The following CACNA1H variants were observed in gnomAD, a reference collection of about 807,000 sequenced individuals.
CACNA1H encodes voltage-dependent T-type calcium channel subunit alpha-1H.
Under a neutral mutation model 192.5 loss-of-function variants are expected in CACNA1H, and 149 were observed. The observed-to-expected ratio is 0.77, with a 90% CI of 0.68 to 0.89. The LOEUF (loss-of-function observed/expected upper bound fraction) is 0.89. Ranked by LOEUF, CACNA1H falls within the 40% of genes least tolerant of loss-of-function variation. The probability of loss-of-function intolerance (pLI) is 0.00; values close to 1 mark genes in which losing one functional copy is unlikely to be tolerated. For synonymous variants in CACNA1H, 2,202 were observed against 1,475.2 expected (o/e 1.49, Z -11.29); for missense variants, 4,257 against 3,423.5 (o/e 1.24, Z -6.08).
chr16:1,164,345 C>G (rs1343339767), intron 2 of CACNA1H, among the ~76,000 whole-genome samples: 1 of 152,072 alleles, frequency 6.6e-6, no homozygotes, highest in Admixed American at 6.5e-5. Flanking sequence ...TTTTTCTTTT[C>G]TTTTTTGAGA....
rs184435223 is a variant in CACNA1H at position 1,193,330 on chromosome 16, A to G, written c.300-1642A>G. Among the ~76,000 whole-genome samples the G allele has an allele frequency of 6.7e-4, 102 of 152,348 alleles. 1 individual carries two copies. The highest frequency in any genetic ancestry group is 2.3e-3 in the African/African-American group (95 of 41,590). ...CCGCCATCCACCATCGCTCCCTTGC[A>G]CTAGTGCCGGGTCAGGAGGCTGGGA... On this transcript the variant is annotated intron_variant, in intron 2 of 34. Coordinates refer to ENST00000348261, the MANE Select transcript of CACNA1H (RefSeq NM_021098.3).
chr16:1,189,628 C>T (rs1966412726), intron 2 of CACNA1H, among the ~76,000 whole-genome samples: 3 of 151,832 alleles, frequency 2.0e-5, no homozygotes, highest in African/African-American at 7.3e-5. Context: ...CACTGTGTTG[C>T]CCAGGCTGGT....
chr16:1,169,739 T>G (rs1028859845), intron 2 of CACNA1H, among the ~76,000 whole-genome samples: 2 of 152,236 alleles, frequency 1.3e-5, no homozygotes, highest in African/African-American at 2.4e-5. Context: ...GCCAGCCGGC[T>G]GGTGCTTGTT....
intron 2 of CACNA1H, among the ~76,000 whole-genome samples, chr16:1,156,641 T>G (rs1023869331): frequency 6.6e-6 from 1 of 152,096 alleles, no homozygotes; most frequent in African/African-American, 2.4e-5. Flanking sequence ...GCATCCCTCC[T>G]GAAGAGGGTG....
chr16:1,173,205 G>A (rs1360826307), intron 2 of CACNA1H, among the ~76,000 whole-genome samples: 2 of 152,188 alleles, frequency 1.3e-5, no homozygotes, highest in Non-Finnish European at 2.9e-5. Context: ...CTGGAAGGGG[G>A]CAGTAGATGG....
intron 9 of CACNA1H, among the ~76,000 whole-genome samples, chr16:1,203,745 A>T (rs971676584): frequency 1.3e-5 from 2 of 151,952 alleles, no homozygotes; most frequent in African/African-American, 4.8e-5. Flanking sequence ...CTGTCTTCAC[A>T]TGGCTCTTTG....
intron 4 of CACNA1H, 125 bp from the exon 5 acceptor site, chr16:1,195,801 A>G (rs936116544): frequency 2.7e-5 from 25 of 911,838 alleles, no homozygotes; most frequent in Non-Finnish European, 3.6e-6. Context: ...CTTCCTGGCC[A>G]GTACAAGGTC....
Position 1,218,984 on chromosome 16 carries a change from G to C in CACNA1H, c.5902G>C (p.Val1968Leu), listed in dbSNP as rs921830082. The change falls in exon 34 of 35, where the codon GTG (valine) becomes CTG (leucine). Residue 1968 changes from valine (V) to leucine (L), a missense_variant. Physicochemically the swap from Val to Leu is conservative, Grantham distance 32. Transcript: ENST00000348261. Reference protein sequence around the residue: ...AGTPLGSVASVHSPPAESCAS... With the variant: ...AGTPLGSVASLHSPPAESCAS... ...CCCTGCCCCAGGCTCCGTTGCCTCT[G>C]TGCACTCTCCGCCCGCAGAGTCCTG... 6.5e-6 allele frequency: 10 copies of C among 1,550,162 alleles called. No homozygotes were observed. The Admixed American group carries it at 9.8e-5, about 15-fold the overall frequency.
chr16:1,210,346 T>TCCCCCCCCCCCCCCCCCCCCCC, intron 18 of CACNA1H, 24 bp from the exon 19 acceptor site: 1 of 243,722 alleles, frequency 4.1e-6, no homozygotes, highest in Non-Finnish European at 6.4e-6. Context: ...CCGCCCCACC[T>TCCCCCCCCCCCCCCCCCCCCCC]CTCACCCGCC....
At chr16:1,208,634 C>G (rs531407431) in intron 16 of CACNA1H, among the ~76,000 whole-genome samples, 1 of 152,180 alleles carries the variant, frequency 6.6e-6, no homozygotes, top group Non-Finnish European at 1.5e-5. Flanking sequence ...TTGAAACGAA[C>G]TCCAGGCAGT....
chr16:1,202,557 C>T lies in CACNA1H; in HGVS notation c.2002+105C>T, dbSNP rs1374857229. 5 of 1,033,372 alleles carry T rather than the reference C, an allele frequency of 4.8e-6. No homozygotes were observed. In the African/African-American group the frequency reaches 4.8e-5, roughly 10 times the overall value. The allele number at this position is 1,033,372 out of a possible 1,614,324, so 64.0% of individuals were successfully genotyped here. On this transcript the variant is annotated intron_variant, in intron 9 of 34. Coordinates refer to ENST00000348261, the MANE Select transcript of CACNA1H (RefSeq NM_021098.3). ...CACCCATTGTGGGCACTCTGATGAG[C>T]CCAGCTTTGACTTGTGAAACAGACC... is the stretch of plus-strand genomic sequence containing the variant.
At chr16:1,177,644 C>T (rs558360503) in intron 2 of CACNA1H, among the ~76,000 whole-genome samples, 5 of 151,902 alleles carry the variant, frequency 3.3e-5, no homozygotes, top group Admixed American at 1.3e-4. Flanking sequence ...ACGTGGTGGC[C>T]GGGGACAGAG....
At position 1,200,251 on chromosome 16, in the gene CACNA1H, C is replaced by T; in HGVS notation, c.804-5C>T. On this transcript the variant is annotated splice_region_variant and splice_polypyrimidine_tract_variant and intron_variant, in intron 6 of 34. Coordinates refer to ENST00000348261, the MANE Select transcript of CACNA1H (RefSeq NM_021098.3). ...CCTTTTGGCCCTGGCTGTGCCCATC[C>T]CCAGGAACAACAACCTGACCTTCCT... is the stretch of plus-strand genomic sequence containing the variant. 2 of 1,591,200 alleles carry T rather than the reference C, an allele frequency of 1.3e-6. No homozygotes were observed. The highest frequency in any genetic ancestry group is 1.7e-6 in the Non-Finnish European group (2 of 1,167,868).
Position 1,206,235 on chromosome 16 carries a change from T to C in CACNA1H, c.2735T>C (p.Met912Thr), listed in dbSNP as rs745747809. The C allele has an allele frequency of 6.9e-6, 11 of 1,591,198 alleles. No homozygotes were observed. The highest frequency in any genetic ancestry group is 2.3e-5 in the East Asian group (1 of 43,804). The change falls in exon 12 of 35, where the codon ATG (methionine) becomes ACG (threonine). Residue 912 changes from methionine to threonine, a missense_variant. Transcript: ENST00000348261. ...RRQLVVLVKT[M>T]DNVATFCTLL... is the part of the protein sequence containing the mutation. ...CAGCTCGTGGTGCTGGTGAAGACCA[T>C]GGACAACGTGGCTACCTTCTGCACG...
At position 1,200,775 on chromosome 16, in the gene CACNA1H, C is replaced by G. The variant is rs939109422; in HGVS notation, c.1179C>G (p.Phe393Leu). The change falls in exon 8 of 35, where the codon TTC (phenylalanine) becomes TTG (leucine). Residue 393 changes from phenylalanine (F) to leucine (L), a missense_variant. Phe to Leu is a conservative substitution (Grantham distance 22). Coordinates refer to ENST00000348261, the MANE Select transcript of CACNA1H (RefSeq NM_021098.3). Reference protein sequence around the residue: ...IMYYVMDAHSFYNFIYFILLI... With the variant: ...IMYYVMDAHSLYNFIYFILLI... The stretch of plus-strand genomic sequence containing the variant: ...ACTACGTCATGGACGCCCACTCATT[C>G]TACAACTTCATCTATTTCATCCTGC... The G allele has an allele frequency of 1.3e-6, 2 of 1,554,190 alleles. No individual in the cohort carries two copies. Among genetic ancestry groups the G allele is most frequent in the Non-Finnish European group, 1.7e-6 (2 of 1,148,648 alleles).
intron 6 of CACNA1H, 26 bp downstream of exon 6, chr16:1,198,800 C>CCCCTGCCCAGATGG (rs751750589): frequency 3.1e-6 from 5 of 1,593,278 alleles, no homozygotes; most frequent in Non-Finnish European, 4.3e-6. Flanking sequence ...CCCCGTGAGG[C>CCCCTGCCCAGATGG]CCCTGCCCAG....
chr16:1,154,070 G>GGGGGCGTGGGGAGGGGGGGGGCCC (rs1961948731), intron 2 of CACNA1H, 34 bp downstream of exon 2: 1 of 834,110 alleles, frequency 1.2e-6, no homozygotes, highest in African/African-American at 2.3e-5. Flanking sequence ...GCGGGGGGCG[G>GGGGGCGTGGGGAGGGGGGGGGCCC]GGGGCGTGGG....
chr16:1,181,646 C>G (rs990332966), intron 2 of CACNA1H, among the ~76,000 whole-genome samples: 1 of 152,234 alleles, frequency 6.6e-6, no homozygotes, highest in African/African-American at 2.4e-5. Context: ...AGGTCTCTTT[C>G]TAATTAGCAT....
At chr16:1,205,893 C>T (rs1048977196) in intron 11 of CACNA1H, among the ~76,000 whole-genome samples, 2 of 152,200 alleles carry the variant, frequency 1.3e-5, no homozygotes, top group African/African-American at 4.8e-5. Context: ...GCACTGGGGG[C>T]CGGGTAGCCC....
Sources: allele counts gnomAD v4.1 joint callset (sites outside exome capture counted in the v4.1 genomes callset), GRCh38; gene constraint gnomAD v4.1.1; transcripts MANE v1.5; gene names NCBI Gene and HGNC (gene_info 2026-07-23, HGNC 2026-07-21).